The following CAPN5 variants were observed in gnomAD, a reference collection of about 807,000 sequenced individuals.
CAPN5 encodes the protein calpain 5.
A neutral mutation model predicts 73.0 loss-of-function variants in CAPN5; 54 were observed. The ratio of observed to expected loss-of-function variants is 0.74; its 90% CI spans 0.59 to 0.93. CAPN5 has a LOEUF of 0.93. Among genes scored for constraint, CAPN5 ranks in the 40% least tolerant of loss-of-function variants. The pLI, the probability that CAPN5 is intolerant of heterozygous loss-of-function variation, is 0.00. For synonymous variants in CAPN5, 335 were observed against 356.9 expected (o/e 0.94, Z 0.69); for missense variants, 785 against 882.9 (o/e 0.89, Z 1.41).
chr11:77,098,863 G>A (rs1950248515), intron 3 of CAPN5, among the ~76,000 whole-genome samples: 1 of 140,036 alleles, frequency 7.1e-6, no homozygotes, highest in African/African-American at 2.8e-5. Context: ...CGGGGTGGCT[G>A]CTGGGCGGAG....
At chr11:77,105,166 C>T (rs1382580600) in intron 3 of CAPN5, among the ~76,000 whole-genome samples, 1 of 151,756 alleles carries the variant, frequency 6.6e-6, no homozygotes, top group Non-Finnish European at 1.5e-5. Context: ...AGTCCCTCTG[C>T]TGTGCCCGCT....
chr11:77,084,829 C>T lies in CAPN5; in HGVS notation c.-35-23C>T, dbSNP rs190828856. 4.2e-4 allele frequency: 680 copies of T among 1,607,162 alleles called. 4 individuals carry two copies. The East Asian group carries it at 8.1e-3, about 19-fold the overall frequency. ...GGGACCCAGGGACTCTGTGAGTGAC[C>T]GTCTTCTTGCCTTCCTGTCCAGGTG... On this transcript the variant is annotated intron_variant, in intron 1 of 12. Coordinates refer to ENST00000648180, the MANE Select transcript of CAPN5 (RefSeq NM_004055.5).
In CAPN5 at chr11:77,112,696, C is replaced by T; in HGVS notation, c.405C>T (p.Val135=). 2 of 1,614,230 alleles carry T rather than the reference C, an allele frequency of 1.2e-6. No individual in the cohort carries two copies. The highest frequency in any genetic ancestry group is 1.7e-6 in the Non-Finnish European group (2 of 1,180,030). ...GCTTCGGGGAATGGGTGGACGTGGT[C>T]ATCGATGACCGGCTGCCCACAGTCA... ...FWRFGEWVDV[V]IDDRLPTVNN... Residue 135 remains valine (V), a synonymous_variant, in exon 4 of 13, where the codon GTC becomes GTT. Coordinates refer to ENST00000648180, the MANE Select transcript of CAPN5 (RefSeq NM_004055.5).
chr11:77,070,241 T>C (rs920975128), intron 1 of CAPN5, among the ~76,000 whole-genome samples: 5 of 152,182 alleles, frequency 3.3e-5, no homozygotes, highest in Non-Finnish European at 4.4e-5. Flanking sequence ...ACAGTGGGCA[T>C]GCAAGAGAAG....
At chr11:77,093,526 G>T (rs1950173634) in intron 2 of CAPN5, among the ~76,000 whole-genome samples, 156 bp from the exon 3 acceptor site, 1 of 152,154 alleles carries the variant, frequency 6.6e-6, no homozygotes, top group African/African-American at 2.4e-5. Flanking sequence ...GGGCCCTATG[G>T]GGCCCCAAGT....
intron 4 of CAPN5, among the ~76,000 whole-genome samples, chr11:77,113,377 G>A (rs1217007015): frequency 6.6e-6 from 1 of 152,226 alleles, no homozygotes; most frequent in African/African-American, 2.4e-5. Flanking sequence ...GAGCTGTGGG[G>A]AACCCTGGGG....
intron 9 of CAPN5, chr11:77,119,391 C>T: frequency 1.8e-6 from 1 of 547,278 alleles, no homozygotes; most frequent in Non-Finnish European, 3.3e-6. Context: ...CTGCCTAAGA[C>T]CCACAGGCCT....
Position 77,122,578 on chromosome 11 carries a change from GCTAA to G in CAPN5, c.1609_1612del (p.Asn537LeufsTer3), listed in dbSNP as rs1257571846. 2.5e-6 allele frequency: 4 copies of G among 1,609,000 alleles called. No individual in the cohort carries two copies. Among genetic ancestry groups the G allele is most frequent in the African/African-American group, 1.3e-5 (1 of 74,630 alleles). On this transcript the variant is annotated frameshift_variant, in exon 12 of 13. Coordinates refer to ENST00000648180, the MANE Select transcript of CAPN5 (RefSeq NM_004055.5). LOFTEE classifies it high-confidence loss of function. ...CATCTCCCACTCCCTCTCCCTAGGG[GCTAA>G]CTCTTATGTGATCATCAAGTGTGAG... is the stretch of plus-strand genomic sequence containing the variant.
intron 1 of CAPN5, among the ~76,000 whole-genome samples, chr11:77,078,933 A>G (rs1312562740): frequency 2.0e-5 from 3 of 151,970 alleles, no homozygotes; most frequent in African/African-American, 4.8e-5. Context: ...TTCTATACCT[A>G]TTTTGTTCAG....
intron 2 of CAPN5, chr11:77,087,886 C>T (rs1438068471): frequency 6.5e-7 from 1 of 1,535,256 alleles, no homozygotes; most frequent in African/African-American, 1.4e-5. Context: ...ACCTGGGCAC[C>T]TGCCTTCAGC....
rs184496618 is a variant in CAPN5 at position 77,097,354 on chromosome 11, T to G, written c.297+3541T>G. Among the ~76,000 whole-genome samples the G allele has an allele frequency of 1.8e-3, 271 of 151,878 alleles. 1 individual carries two copies. Among genetic ancestry groups the G allele is most frequent in the Non-Finnish European group, 3.3e-3 (223 of 68,002 alleles). On this transcript the variant is annotated intron_variant, in intron 3 of 12. Coordinates refer to ENST00000648180, the MANE Select transcript of CAPN5 (RefSeq NM_004055.5). ...ACCAGCTATGCCCTGAGAACCATAGTAGGTACTGGGGACGAAAGGCTTGAA... is the reference window on the plus strand; with the variant it reads ...ACCAGCTATGCCCTGAGAACCATAGGAGGTACTGGGGACGAAAGGCTTGAA...
intron 1 of CAPN5, among the ~76,000 whole-genome samples, chr11:77,084,492 C>T (rs1289186370): frequency 6.6e-6 from 1 of 152,168 alleles, no homozygotes; most frequent in African/African-American, 2.4e-5. Context: ...GGGAGACACA[C>T]CAGCCAGGGA....
intron 3 of CAPN5, among the ~76,000 whole-genome samples, chr11:77,098,832 C>T (rs1950247822): frequency 7.4e-6 from 1 of 135,848 alleles, no homozygotes; most frequent in Admixed American, 7.2e-5. Context: ...GGGGGCTGAC[C>T]CCCCCCACCT....
chr11:77,105,887 A>G (rs1214391911), intron 3 of CAPN5, among the ~76,000 whole-genome samples: 1 of 152,174 alleles, frequency 6.6e-6, no homozygotes, highest in Non-Finnish European at 1.5e-5. Flanking sequence ...TGAGGCCCAG[A>G]GGAGGCGGCC....
chr11:77,092,909 G>A (rs1555036747), intron 2 of CAPN5, among the ~76,000 whole-genome samples: 3 of 152,260 alleles, frequency 2.0e-5, no homozygotes, highest in African/African-American at 4.8e-5. Context: ...GGAGGTTGCA[G>A]TGAGCTGAGG....
intron 1 of CAPN5, among the ~76,000 whole-genome samples, chr11:77,070,397 C>A (rs1555032847): frequency 6.6e-6 from 1 of 152,250 alleles, no homozygotes; most frequent in African/African-American, 2.4e-5. Context: ...CCCTGCTCAG[C>A]CAGTGCCCCC....
chr11:77,112,619 G>A lies in CAPN5; in HGVS notation c.328G>A (p.Asp110Asn). ...CCCAGACTGGAAGGAGCAGGAATGG[G>A]ACCCCGAAAAGCCCAACGCCTACGC... is the stretch of plus-strand genomic sequence containing the variant. ...VIPDWKEQEW[D>N]PEKPNAYAGI... Residue 110 changes from aspartate (D) to asparagine (N), a missense_variant, in exon 4 of 13, where the codon GAC becomes AAC. Transcript: ENST00000648180. 1 of 1,614,088 alleles carries A rather than the reference G, an allele frequency of 6.2e-7. No homozygotes were observed. The highest frequency in any genetic ancestry group is 8.5e-7 in the Non-Finnish European group (1 of 1,179,996).
chr11:77,088,104 T>C, intron 2 of CAPN5: 1 of 1,501,764 alleles, frequency 6.7e-7, no homozygotes, highest in Non-Finnish European at 8.9e-7. Context: ...CATCCCCTCA[T>C]CCAGCATGCT....
chr11:77,079,669 T>C (rs1449202078), intron 1 of CAPN5, among the ~76,000 whole-genome samples: 10 of 152,224 alleles, frequency 6.6e-5, no homozygotes, highest in Non-Finnish European at 1.3e-4. Context: ...CTAGATTATA[T>C]GAACACATGA....
Sources: gnomAD v4.1 joint callset for allele counts (sites outside exome capture counted in the v4.1 genomes callset) on GRCh38, gnomAD v4.1.1 for gene constraint, MANE v1.5 for transcripts, NCBI Gene and HGNC (gene_info 2026-07-23, HGNC 2026-07-21) for gene names.